Variants in RNF212B observed in about 807,000 individuals in gnomAD.
RNF212B encodes E3 ubiquitin-protein ligase RNF212B.
A neutral mutation model predicts 55.5 loss-of-function variants in RNF212B; 52 were observed. That is an observed-to-expected ratio of 0.94 (90% confidence interval 0.75 to 1.18). The LOEUF (loss-of-function observed/expected upper bound fraction) is 1.18, where lower values mean the gene tolerates loss of function less well. Among genes scored for constraint, RNF212B ranks in the 50% most tolerant of loss-of-function variants. The pLI, the probability that RNF212B is intolerant of heterozygous loss-of-function variation, is 0.00. For synonymous variants in RNF212B, 99 were observed against 121.4 expected, an observed-to-expected ratio of 0.82 and a Z score of 1.21; for missense variants, 289 against 350.4, an observed-to-expected ratio of 0.82 and a Z score of 1.40.
At chr14:23,215,397 A>G (rs1880966849) in intron 2 of RNF212B, among the ~76,000 whole-genome samples, 1 of 152,146 alleles carries the variant, frequency 6.6e-6, no homozygotes, top group Non-Finnish European at 1.5e-5. Context: ...ATGACAGTGT[A>G]TTTCTCCTTA....
Position 23,217,482 on chromosome 14 carries a change from A to G in RNF212B, c.-1-22863A>G, listed in dbSNP as rs554802891. ...CAAGAAATAGTGCTGTGCTGGCTTC[A>G]TGTCTGACCCAGCACAGTCCCAGTG... is the stretch of plus-strand genomic sequence containing the variant. On this transcript the variant is annotated intron_variant, in intron 2 of 15. Coordinates refer to the RNF212B transcript ENST00000399910. Among the ~76,000 whole-genome samples the G allele has an allele frequency of 9.9e-4, 151 of 152,308 alleles. 3 individuals carry two copies. In the South Asian group the frequency reaches 0.029, roughly 30 times the overall value.
At chr14:23,191,156 C>A (rs1878079929) in intron 1 of RNF212B, among the ~76,000 whole-genome samples, 1 of 152,070 alleles carries the variant, frequency 6.6e-6, no homozygotes, top group African/African-American at 2.4e-5. Context: ...GAGTTCAAGA[C>A]CAGCCTGGCC....
chr14:23,256,521 G>A (rs1319124053), intron 4 of RNF212B, among the ~76,000 whole-genome samples: 2 of 151,954 alleles, frequency 1.3e-5, no homozygotes, highest in Admixed American at 6.6e-5. Context: ...ACAGGTGCAC[G>A]CCACCATGCC....
At chr14:23,238,630 C>T (rs1371160332) in intron 1 of RNF212B, among the ~76,000 whole-genome samples, 2 of 151,642 alleles carry the variant, frequency 1.3e-5, no homozygotes, top group African/African-American at 4.8e-5. Flanking sequence ...CCCAGCTACT[C>T]CAGAGGCTGA....
intron 4 of RNF212B, among the ~76,000 whole-genome samples, chr14:23,258,199 G>A (rs1311151830): frequency 1.3e-5 from 2 of 152,058 alleles, no homozygotes; most frequent in Non-Finnish European, 1.5e-5. Context: ...TTAGCTGGGC[G>A]TGGTAGCACA....
At chr14:23,271,655 G>A (rs1470744264) in intron 14 of RNF212B, among the ~76,000 whole-genome samples, 2 of 151,768 alleles carry the variant, frequency 1.3e-5, no homozygotes, top group African/African-American at 4.8e-5. Context: ...AAGAAATTAG[G>A]GTCTAAGCCT....
intron 2 of RNF212B, among the ~76,000 whole-genome samples, chr14:23,194,504 G>A (rs1010202903): frequency 6.6e-6 from 1 of 152,082 alleles, no homozygotes; most frequent in African/African-American, 2.4e-5. Context: ...TTGGGAGGCT[G>A]AGGTGGGCAG....
intron 12 of RNF212B, 67 bp from the exon 13 acceptor site, chr14:23,269,796 C>T: frequency 1.2e-6 from 1 of 864,382 alleles, no homozygotes; most frequent in Non-Finnish European, 1.9e-6. Flanking sequence ...TCTTCCATTA[C>T]ATATGCTTTT....
intron 2 of RNF212B, 75 bp downstream of exon 2, chr14:23,240,520 G>A: frequency 1.2e-6 from 1 of 862,710 alleles, no homozygotes; most frequent in South Asian, 1.6e-5. Context: ...CCATTTCTAT[G>A]TGTGACTTAG....
chr14:23,226,332 A>G, intron 2 of RNF212B, among the ~76,000 whole-genome samples: 1 of 146,708 alleles, frequency 6.8e-6, no homozygotes, highest in Middle Eastern at 3.4e-3. Context: ...TAAATAAATA[A>G]ATAAATAGGA....
At chr14:23,228,528 TGGGAGGATGAGCA>T (rs1256844600) in intron 2 of RNF212B, among the ~76,000 whole-genome samples, 4 of 149,568 alleles carry the variant, frequency 2.7e-5, no homozygotes, top group South Asian at 2.1e-4. Context: ...CCTAACTATT[TGGGAGGATGAGCA>T]GGGAGGATGA....
chr14:23,270,758 G>A (rs983202110), intron 14 of RNF212B, 97 bp downstream of exon 14: 8 of 778,920 alleles, frequency 1.0e-5, no homozygotes, highest in Middle Eastern at 2.6e-4. Flanking sequence ...AACCAGTGAA[G>A]AACGACATGG....
intron 2 of RNF212B, among the ~76,000 whole-genome samples, chr14:23,209,263 T>C (rs4619311): frequency 0.9 from 137,667 of 152,154 alleles, 62,443 homozygotes; most frequent in African/African-American, 0.95. Context: ...TTTTGGCCGG[T>C]TCCTTTACCG....
chr14:23,186,791 G>C (rs1877642204), intron 1 of RNF212B, among the ~76,000 whole-genome samples: 1 of 152,114 alleles, frequency 6.6e-6, no homozygotes, highest in Non-Finnish European at 1.5e-5. Flanking sequence ...AGAAACCTGA[G>C]GCTTAAAGAA....
intron 4 of RNF212B, among the ~76,000 whole-genome samples, chr14:23,247,785 T>C (rs1333808314): frequency 6.6e-6 from 1 of 152,220 alleles, no homozygotes; most frequent in Non-Finnish European, 1.5e-5. Context: ...CTTGGGTATA[T>C]ACCTACGAGT....
intron 2 of RNF212B, among the ~76,000 whole-genome samples, chr14:23,194,404 T>G (rs1428385808): frequency 6.6e-6 from 1 of 151,962 alleles, no homozygotes; most frequent in Admixed American, 6.6e-5. Flanking sequence ...TTTGGAAAAT[T>G]TGCAATCATT....
intron 4 of RNF212B, among the ~76,000 whole-genome samples, chr14:23,246,932 G>C (rs772832666): frequency 6.6e-6 from 1 of 152,064 alleles, no homozygotes; most frequent in Non-Finnish European, 1.5e-5. Flanking sequence ...CCTGAGGTCC[G>C]GGGTTCGAGA....
intron 2 of RNF212B, among the ~76,000 whole-genome samples, chr14:23,221,160 A>G (rs178752): frequency 0.47 from 71,426 of 151,124 alleles, 17,489 homozygotes; most frequent in African/African-American, 0.6. Flanking sequence ...GCTGAGGTGG[A>G]CAGATCACTT....
intron 2 of RNF212B, among the ~76,000 whole-genome samples, chr14:23,229,627 CT>C (rs1882379154): frequency 6.6e-6 from 1 of 152,090 alleles, no homozygotes; most frequent in Non-Finnish European, 1.5e-5. Flanking sequence ...TGCATTTCCC[CT>C]ATGACTAATT....
Sources: allele counts gnomAD v4.1 joint callset (sites outside exome capture counted in the v4.1 genomes callset), GRCh38; gene constraint gnomAD v4.1.1; transcripts MANE v1.5; gene names NCBI Gene and HGNC (gene_info 2026-07-23, HGNC 2026-07-21).